MDN1: variants seen among roughly 807,000 people sequenced by gnomAD.
MDN1 encodes midasin AAA ATPase 1.
Under a neutral mutation model 669.2 loss-of-function variants are expected in MDN1, and 266 were observed. That is an observed-to-expected ratio of 0.40 (90% CI 0.36 to 0.44). The LOEUF (loss-of-function observed/expected upper bound fraction) is 0.44. Ranked by LOEUF, MDN1 falls within the 20% of genes least tolerant of loss-of-function variation. The pLI, the probability that MDN1 is intolerant of heterozygous loss-of-function variation, is 1.00. For synonymous variants in MDN1, 2,385 were observed against 2,457.1 expected (o/e 0.97, Z 0.87); for missense variants, 5,940 against 6,754.0 (o/e 0.88, Z 4.22).
At chr6:89,690,262 T>C in intron 64 of MDN1, 119 bp from the exon 65 acceptor site, 1 of 1,051,456 alleles carries the variant, frequency 9.5e-7, no homozygotes, top group Non-Finnish European at 1.4e-6. Context: ...GACTAATATA[T>C]GTATTAAAAT....
chr6:89,696,679 GA>G, intron 59 of MDN1, 105 bp from the exon 60 acceptor site: 1 of 811,554 alleles, frequency 1.2e-6, no homozygotes, highest in East Asian at 2.6e-5. Context: ...AGGTTGCTTG[GA>G]ACAGGTAAGC....
intron 74 of MDN1, among the ~76,000 whole-genome samples, chr6:89,679,369 TACAC>T (rs1811446433): frequency 6.6e-6 from 1 of 152,198 alleles, no homozygotes; most frequent in Non-Finnish European, 1.5e-5. Context: ...CCTTCCTGAA[TACAC>T]GTGGGTACCA....
chr6:89,685,093 G>A (rs1811916637), intron 70 of MDN1, 108 bp from the exon 71 acceptor site: 2 of 649,954 alleles, frequency 3.1e-6, no homozygotes, highest in Admixed American at 2.8e-5. Context: ...TACTCTCTAT[G>A]CCATGAGATT....
At chr6:89,816,560 T>A (rs1443854898) in intron 1 of MDN1, among the ~76,000 whole-genome samples, 1 of 152,030 alleles carries the variant, frequency 6.6e-6, no homozygotes, top group Non-Finnish European at 1.5e-5. Flanking sequence ...TCCTATCTCT[T>A]TAAAAAATAA....
rs1349396061 is a variant in MDN1, at chr6:89,754,063, C to T, written c.2964+20G>A. ...CCCATCCATTAAGCTCATATCCAGTCAAAGAGACTTCAGAAAGACCTCATA... is the reference window on the plus strand; with the variant it reads ...CCCATCCATTAAGCTCATATCCAGTTAAAGAGACTTCAGAAAGACCTCATA... On this transcript the variant is annotated intron_variant, in intron 21 of 101. Coordinates refer to ENST00000369393, the MANE Select transcript of MDN1 (RefSeq NM_014611.3). 6.2e-7 allele frequency: 1 copy of T among 1,610,752 alleles called. No individual in the cohort carries two copies. The highest frequency in any genetic ancestry group is 8.5e-7 in the Non-Finnish European group (1 of 1,178,552).
intron 8 of MDN1, among the ~76,000 whole-genome samples, chr6:89,786,543 G>A (rs1332480862): frequency 6.6e-6 from 1 of 152,134 alleles, no homozygotes; most frequent in East Asian, 1.9e-4. Context: ...GGAGTTTGTG[G>A]TTACAGTAAG....
In MDN1 at chr6:89,774,753, A is replaced by ACCT; in HGVS notation, c.1822-23_1822-21dup. ...TTCAGCCTGTAGGAGGTAAGATTTT[A>ACCT]CCTGAGTAAAAATCCACATGCTTTT... On this transcript the variant is annotated intron_variant, in intron 12 of 101. Transcript: ENST00000369393. The ACCT allele has an allele frequency of 6.5e-7, 1 of 1,541,666 alleles. No homozygotes were observed. Among genetic ancestry groups the ACCT allele is most frequent in the Non-Finnish European group, 9.0e-7 (1 of 1,114,588 alleles).
In MDN1 at chr6:89,695,331, C is replaced by T. The variant is rs187537543; in HGVS notation, c.9771+274G>A. ...GGTACCACTATTTCTGACAATGGCT[C>T]AGGTTTTCTACCTGCCCTCTGCCCA... On this transcript the variant is annotated intron_variant, in intron 61 of 101. Coordinates refer to ENST00000369393, the MANE Select transcript of MDN1 (RefSeq NM_014611.3). The surrounding 1 kb of genome is among the most constrained non-coding windows in gnomAD (Gnocchi z 4.1). Among the ~76,000 whole-genome samples the T allele has an allele frequency of 2.4e-3, 371 of 152,290 alleles. 1 individual carries two copies. Among genetic ancestry groups the T allele is most frequent in the Admixed American group, 4.2e-3 (64 of 15,306 alleles).
chr6:89,777,617 G>A (rs1324587699), intron 11 of MDN1, among the ~76,000 whole-genome samples: 2 of 152,124 alleles, frequency 1.3e-5, no homozygotes, highest in Non-Finnish European at 2.9e-5. Context: ...CAGGAGTCAT[G>A]TGGCCAGAGG....
chr6:89,764,642 A>C (rs977977906), intron 15 of MDN1, among the ~76,000 whole-genome samples: 2 of 152,136 alleles, frequency 1.3e-5, no homozygotes, highest in African/African-American at 4.8e-5. Context: ...TTTGTTGAGG[A>C]GGGGACATTT....
At chr6:89,727,039 T>G (rs1815279342) in intron 37 of MDN1, among the ~76,000 whole-genome samples, 1 of 152,132 alleles carries the variant, frequency 6.6e-6, no homozygotes, top group Non-Finnish European at 1.5e-5. Flanking sequence ...CTAGGCTTTC[T>G]CTTTTCCTGG....
chr6:89,796,338 A>ACC (rs1554199829), intron 2 of MDN1, among the ~76,000 whole-genome samples: 1 of 134,084 alleles, frequency 7.5e-6, no homozygotes, highest in Non-Finnish European at 1.6e-5. Context: ...AAAAAAAAAA[A>ACC]AAAAAAAAAA....
rs1364690925 is a variant in MDN1, at chr6:89,695,384, C to T, written c.9771+221G>A. On this transcript the variant is annotated intron_variant, in intron 61 of 101. Coordinates refer to ENST00000369393, the MANE Select transcript of MDN1 (RefSeq NM_014611.3). The surrounding 1 kb of genome is among the most constrained non-coding windows in gnomAD (Gnocchi z 4.1). The stretch of plus-strand genomic sequence containing the variant: ...GCACCTATTGGCAGAGATCTCAGAA[C>T]CTTAGGAAGGGCTCCTCCCAGAGCA... Among the ~76,000 whole-genome samples the T allele has an allele frequency of 2.0e-5, 3 of 152,174 alleles. No individual in the cohort carries two copies. Among genetic ancestry groups the T allele is most frequent in the Admixed American group, 6.5e-5 (1 of 15,276 alleles).
Position 89,699,668 on chromosome 6 carries a change from C to T in MDN1, c.8930G>A (p.Cys2977Tyr), listed in dbSNP as rs370642960. 2.8e-5 allele frequency: 45 copies of T among 1,613,670 alleles called. 1 individual carries two copies. In the South Asian group the frequency reaches 3.2e-4, roughly 11 times the overall value. Residue 2977 changes from cysteine (C) to tyrosine (Y), a missense_variant, in exon 58 of 102, where the codon TGT becomes TAT. Around this residue, in one of 5 missense-constraint regions of MDN1, gnomAD observed 2,292 missense variants for 2,638.3 expected, o/e 0.87. Coordinates refer to ENST00000369393, the MANE Select transcript of MDN1 (RefSeq NM_014611.3). Reference sequence around the variant, plus strand: ...AGGTGTAACAGGTGTGTGATAAAGACAAAATGAGATGAGGTGACTTATCTC... The same window carrying T: ...AGGTGTAACAGGTGTGTGATAAAGATAAAATGAGATGAGGTGACTTATCTC... ...NEEISHLISF[C>Y]LYHTPVTPQE... is the part of the protein sequence containing the mutation.
chr6:89,723,462 G>T, intron 39 of MDN1, 50 bp downstream of exon 39: 1 of 1,145,686 alleles, frequency 8.7e-7, no homozygotes. Flanking sequence ...AAAAATACTG[G>T]TTCAAATACA....
chr6:89,744,122 A>AAAAAAAAAAAAAAAAC lies in MDN1; in HGVS notation c.4179-409_4179-408insGTTTTTTTTTTTTTTT, dbSNP rs1562169365. Among the ~76,000 whole-genome samples the AAAAAAAAAAAAAAAAC allele has an allele frequency of 4.1e-5, 5 of 122,532 alleles. 1 individual carries two copies. Among genetic ancestry groups the AAAAAAAAAAAAAAAAC allele is most frequent in the Non-Finnish European group, 8.6e-5 (5 of 58,228 alleles). The allele number at this position is 122,532 out of a possible 152,430, so 80.4% of individuals were successfully genotyped here. ...CCTTCTTAAAAAAAAAAAAAAAAAA[A>AAAAAAAAAAAAAAAAC]AAAAAAAAACCACCACCAAGAGAGG... On this transcript the variant is annotated intron_variant, in intron 29 of 101. Transcript: ENST00000369393.
At chr6:89,805,114 G>A (rs1208041953) in intron 1 of MDN1, among the ~76,000 whole-genome samples, 1 of 150,330 alleles carries the variant, frequency 6.7e-6, no homozygotes, top group Non-Finnish European at 1.5e-5. Context: ...ACTGAAAACT[G>A]TATAAAAGGC....
intron 82 of MDN1, 24 bp from the exon 83 acceptor site, chr6:89,671,104 G>A (rs150002766): frequency 1.4e-4 from 222 of 1,608,432 alleles, no homozygotes; most frequent in Non-Finnish European, 1.8e-4. Flanking sequence ...AAAACAAAAG[G>A]CCTGCTCACA....
chr6:89,787,576 T>TC (rs1011877255), intron 8 of MDN1, among the ~76,000 whole-genome samples: 2 of 152,036 alleles, frequency 1.3e-5, no homozygotes, highest in African/African-American at 4.8e-5. Context: ...CCCTGGGCTA[T>TC]CTAACAATAA....
Sources: allele counts gnomAD v4.1 joint callset (sites outside exome capture counted in the v4.1 genomes callset), GRCh38; gene constraint gnomAD v4.1.1; regional missense constraint gnomAD v4.1.1; non-coding constraint Gnocchi (gnomAD v3.1); transcripts MANE v1.5; gene names NCBI Gene and HGNC (gene_info 2026-07-23, HGNC 2026-07-21).